ZNF385D: variants seen among roughly 807,000 people sequenced by gnomAD.
ZNF385D encodes zinc finger protein 385D.
ZNF385D carries 15 observed loss-of-function variants against 35.8 expected under a neutral mutation model. The observed-to-expected ratio is 0.42, with a 90% CI of 0.28 to 0.64. The LOEUF (loss-of-function observed/expected upper bound fraction) is 0.64, where lower values mean the gene tolerates loss of function less well. ZNF385D is among the 30% of genes least tolerant of loss of function. The pLI is 0.23. For synonymous variants in ZNF385D, 212 were observed against 186.8 expected (o/e 1.13, Z -1.10); for missense variants, 474 against 494.6 (o/e 0.96, Z 0.39).
intron 1 of ZNF385D, among the ~76,000 whole-genome samples, chr3:21,687,004 A>G (rs1190940572): frequency 6.6e-6 from 1 of 152,196 alleles, no homozygotes; most frequent in Non-Finnish European, 1.5e-5. Flanking sequence ...ATGTGGCATA[A>G]GAGACACCAT....
chr3:22,106,903 C>G (rs1318053029), intron 3 of ZNF385D, among the ~76,000 whole-genome samples: 1 of 152,128 alleles, frequency 6.6e-6, no homozygotes, highest in Non-Finnish European at 1.5e-5. Context: ...CCTAACTCTT[C>G]CTCTACTCTT....
chr3:21,504,778 C>A (rs183736044), intron 4 of ZNF385D, among the ~76,000 whole-genome samples: 1 of 151,954 alleles, frequency 6.6e-6, no homozygotes, highest in African/African-American at 2.4e-5. Context: ...GCAGGAAAGC[C>A]GTGGAAGAGA....
intron 3 of ZNF385D, among the ~76,000 whole-genome samples, chr3:21,523,789 A>C (rs1198464559): frequency 6.6e-6 from 1 of 151,930 alleles, no homozygotes; most frequent in Non-Finnish European, 1.5e-5. Flanking sequence ...TTTTTTGAAA[A>C]AAGAAATAAA....
intron 2 of ZNF385D, among the ~76,000 whole-genome samples, chr3:22,285,790 A>G (rs1701993605): frequency 6.6e-6 from 1 of 152,162 alleles, no homozygotes. Context: ...CAAAGACGGC[A>G]TCACCGTCTA....
At chr3:21,936,844 T>A (rs1209846421) in intron 3 of ZNF385D, among the ~76,000 whole-genome samples, 1 of 152,184 alleles carries the variant, frequency 6.6e-6, no homozygotes, top group Non-Finnish European at 1.5e-5. Context: ...TCTGTAAACT[T>A]CCTGGGCTTT....
At chr3:22,118,909 G>C (rs776346519) in intron 3 of ZNF385D, among the ~76,000 whole-genome samples, 2 of 152,014 alleles carry the variant, frequency 1.3e-5, no homozygotes, top group East Asian at 1.9e-4. Flanking sequence ...AGAAACATTT[G>C]CAAGTCTTAT....
intron 4 of ZNF385D, among the ~76,000 whole-genome samples, chr3:21,462,041 C>G (rs1703213438): frequency 6.6e-6 from 1 of 152,092 alleles, no homozygotes. Flanking sequence ...CTTTTGGTCA[C>G]TTATAATATT....
chr3:21,543,991 AT>A (rs935501830), intron 3 of ZNF385D, among the ~76,000 whole-genome samples: 2 of 152,012 alleles, frequency 1.3e-5, no homozygotes, highest in Non-Finnish European at 2.9e-5. Context: ...TAGCGACTGG[AT>A]TTTTTTGTGT....
At chr3:22,210,616 CA>C (rs1368071717) in intron 2 of ZNF385D, among the ~76,000 whole-genome samples, 1 of 151,844 alleles carries the variant, frequency 6.6e-6, no homozygotes, top group African/African-American at 2.4e-5. Context: ...AATATAAAAT[CA>C]ATACAAACAG....
At chr3:22,166,252 C>T (rs544943069) in intron 3 of ZNF385D, among the ~76,000 whole-genome samples, 3 of 152,090 alleles carry the variant, frequency 2.0e-5, no homozygotes, top group East Asian at 1.9e-4. Context: ...ATACTTAAAA[C>T]GTCTTGGGGA....
intron 3 of ZNF385D, among the ~76,000 whole-genome samples, chr3:22,111,659 T>A (rs1291401525): frequency 6.6e-6 from 1 of 152,158 alleles, no homozygotes; most frequent in Non-Finnish European, 1.5e-5. Flanking sequence ...GTTTTGTTGT[T>A]AGACTTACGC....
intron 3 of ZNF385D, among the ~76,000 whole-genome samples, chr3:22,042,450 CT>C (rs1698724330): frequency 6.6e-6 from 1 of 152,004 alleles, no homozygotes; most frequent in African/African-American, 2.4e-5. Flanking sequence ...AAAGTTTTTC[CT>C]TTGTGTTACA....
At chr3:21,570,053 A>G (rs548506346) in intron 2 of ZNF385D, among the ~76,000 whole-genome samples, 2 of 151,198 alleles carry the variant, frequency 1.3e-5, no homozygotes, top group African/African-American at 4.9e-5. Context: ...AACTTAAAGT[A>G]TAATAATAAT....
At chr3:21,855,639 A>C in intron 3 of ZNF385D, among the ~76,000 whole-genome samples, 1 of 152,144 alleles carries the variant, frequency 6.6e-6, no homozygotes, top group South Asian at 2.1e-4. Flanking sequence ...ATAGACCTGG[A>C]GCTCTTCTGT....
intron 3 of ZNF385D, among the ~76,000 whole-genome samples, chr3:22,123,982 A>ATATATATATG (rs1703273178): frequency 7.2e-6 from 1 of 139,668 alleles, no homozygotes; most frequent in Non-Finnish European, 1.5e-5. Flanking sequence ...ATATATATAT[A>ATATATATATG]TATATATTGC....
At chr3:21,949,082 T>C (rs1325512984) in intron 3 of ZNF385D, among the ~76,000 whole-genome samples, 2 of 152,344 alleles carry the variant, frequency 1.3e-5, no homozygotes, top group Admixed American at 6.5e-5. Flanking sequence ...ACTAGTGATA[T>C]TGTGATATTT....
chr3:21,455,894 A>T (rs1323651868), intron 4 of ZNF385D, among the ~76,000 whole-genome samples: 1 of 149,690 alleles, frequency 6.7e-6, no homozygotes, highest in African/African-American at 2.4e-5. Context: ...AATTTACAAG[A>T]AAAAAACAAC....
At chr3:22,251,707 A>G (rs747197106) in intron 2 of ZNF385D, among the ~76,000 whole-genome samples, 1 of 151,816 alleles carries the variant, frequency 6.6e-6, no homozygotes, top group Non-Finnish European at 1.5e-5. Flanking sequence ...AGGTAAAATC[A>G]CCCCCTCATC....
chr3:21,709,689 C>T lies in ZNF385D; in HGVS notation c.22+41206G>A, dbSNP rs145589734. Among the ~76,000 whole-genome samples, 352 of 152,116 alleles carry T rather than the reference C, an allele frequency of 2.3e-3. 1 individual carries two copies. Among genetic ancestry groups the T allele is most frequent in the African/African-American group, 7.4e-3 (306 of 41,498 alleles). On this transcript the variant is annotated intron_variant, in intron 1 of 7. Coordinates refer to ENST00000281523, the MANE Select transcript of ZNF385D (RefSeq NM_024697.3). Reference sequence around the variant, plus strand: ...GAAGAAAAGTCATAGATAAGAGGGACGCCTCTATATGTTTTTTCAATATTT... The same window carrying T: ...GAAGAAAAGTCATAGATAAGAGGGATGCCTCTATATGTTTTTTCAATATTT...
Sources: gnomAD v4.1 joint callset for allele counts (sites outside exome capture counted in the v4.1 genomes callset) on GRCh38, gnomAD v4.1.1 for gene constraint, MANE v1.5 for transcripts, NCBI Gene and HGNC (gene_info 2026-07-23, HGNC 2026-07-21) for gene names.